NR2F1-AS1: variants seen among roughly 807,000 people sequenced by gnomAD.
NR2F1-AS1 encodes the protein NR2F1 antisense RNA 1.
At chr5:93,525,364 G>C (rs554810253) in intron 4 of NR2F1-AS1, among the ~76,000 whole-genome samples, 2 of 152,154 alleles carry the variant, frequency 1.3e-5, no homozygotes, top group African/African-American at 4.8e-5. Flanking sequence ...CATAAAGCAA[G>C]TTCTTAGAGA....
chr5:93,484,408 T>C (rs1750671294), intron 4 of NR2F1-AS1, among the ~76,000 whole-genome samples: 2 of 152,152 alleles, frequency 1.3e-5, no homozygotes, highest in African/African-American at 4.8e-5. Context: ...TGCTGAGAGA[T>C]TTTGTCACCA....
At chr5:93,510,865 ATTGT>A (rs1341888407) in intron 4 of NR2F1-AS1, among the ~76,000 whole-genome samples, 1 of 152,154 alleles carries the variant, frequency 6.6e-6, no homozygotes, top group African/African-American at 2.4e-5. Context: ...GAGAAGTTTG[ATTGT>A]TTATTATTGT....
chr5:93,466,532 T>G (rs1294693842), intron 4 of NR2F1-AS1, among the ~76,000 whole-genome samples: 1 of 151,866 alleles, frequency 6.6e-6, no homozygotes, highest in African/African-American at 2.4e-5. Context: ...GAGACAGGGT[T>G]TCACCATGTT....
intron 2 of NR2F1-AS1, among the ~76,000 whole-genome samples, chr5:93,560,506 C>T (rs931604792): frequency 6.6e-6 from 1 of 152,124 alleles, no homozygotes; most frequent in African/African-American, 2.4e-5. Flanking sequence ...TCTACAATAC[C>T]ACTCCTTTAT....
intron 2 of NR2F1-AS1, among the ~76,000 whole-genome samples, chr5:93,559,906 G>A (rs114670158): frequency 0.014 from 2,199 of 152,282 alleles, 61 homozygotes; most frequent in African/African-American, 0.05. Context: ...TACAAATTAT[G>A]ACACAGAGTC....
At chr5:93,569,178 C>G (rs1561509375) in intron 1 of NR2F1-AS1, among the ~76,000 whole-genome samples, 2 of 152,170 alleles carry the variant, frequency 1.3e-5, no homozygotes, top group Non-Finnish European at 2.9e-5. Flanking sequence ...GCGATTTCCT[C>G]TCTCTGGACC....
chr5:93,441,261 G>A (rs1259359297), intron 4 of NR2F1-AS1, among the ~76,000 whole-genome samples: 1 of 152,126 alleles, frequency 6.6e-6, no homozygotes, highest in East Asian at 1.9e-4. Flanking sequence ...CTTTATCTTT[G>A]CCCACTATCC....
chr5:93,483,325 A>C (rs986574309), intron 4 of NR2F1-AS1, among the ~76,000 whole-genome samples: 3 of 152,184 alleles, frequency 2.0e-5, no homozygotes, highest in African/African-American at 7.2e-5. Flanking sequence ...GCAGACCTCC[A>C]ACAAACTCCA....
Position 93,579,088 on chromosome 5 carries a change from C to T in NR2F1-AS1, n.313+1379G>A, listed in dbSNP as rs548192150. Reference sequence around the variant, plus strand: ...ACCGCGGTCGGGGAGCACAGGCTTCCGAAGAGAAACTGAGCTCTAAGTGCC... The same window carrying T: ...ACCGCGGTCGGGGAGCACAGGCTTCTGAAGAGAAACTGAGCTCTAAGTGCC... On this transcript the variant is annotated intron_variant and non_coding_transcript_variant, in intron 1 of 5. Coordinates refer to ENST00000660523, the Ensembl canonical transcript of NR2F1-AS1. The surrounding 1 kb of genome is among the most constrained non-coding windows in gnomAD (Gnocchi z 5.1). 1.3e-5 allele frequency among the ~76,000 whole-genome samples: 2 copies of T among 152,078 alleles called. No individual in the cohort carries two copies. The highest frequency in any genetic ancestry group is 2.9e-5 in the Non-Finnish European group (2 of 67,874).
At chr5:93,445,676 G>A (rs1303141589) in intron 4 of NR2F1-AS1, among the ~76,000 whole-genome samples, 1 of 152,140 alleles carries the variant, frequency 6.6e-6, no homozygotes, top group African/African-American at 2.4e-5. Context: ...TATAAAAAGA[G>A]GGAATCCTCC....
At chr5:93,498,298 A>C (rs1751007338) in intron 4 of NR2F1-AS1, among the ~76,000 whole-genome samples, 1 of 152,172 alleles carries the variant, frequency 6.6e-6, no homozygotes. Context: ...AGAAAGATTT[A>C]ATAGTCTTTC....
intron 1 of NR2F1-AS1, among the ~76,000 whole-genome samples, chr5:93,576,904 C>T (rs1003618398): frequency 1.3e-5 from 2 of 152,158 alleles, no homozygotes; most frequent in Non-Finnish European, 2.9e-5. Context: ...GAAAGAATAG[C>T]CATGCGGTTT....
intron 1 of NR2F1-AS1, among the ~76,000 whole-genome samples, chr5:93,567,320 G>T (rs1752641984): frequency 6.6e-6 from 1 of 152,038 alleles, no homozygotes; most frequent in Non-Finnish European, 1.5e-5. Flanking sequence ...CTATTAATAT[G>T]ATATGTAGTA....
intron 4 of NR2F1-AS1, among the ~76,000 whole-genome samples, chr5:93,544,405 T>C (rs1052830051): frequency 6.6e-6 from 1 of 152,182 alleles, no homozygotes; most frequent in African/African-American, 2.4e-5. Context: ...ATAGAATATA[T>C]AATTATATGG....
At chr5:93,582,974 A>G (rs1451786676), upstream of NR2F1-AS1, among the ~76,000 whole-genome samples, 3 of 151,984 alleles carry the variant, frequency 2.0e-5, no homozygotes, top group Admixed American at 2.0e-4. Context: ...AAAGCAAAAG[A>G]GGAGGGGGGA....
At chr5:93,487,296 A>G (rs1001541698) in intron 4 of NR2F1-AS1, among the ~76,000 whole-genome samples, 3 of 152,132 alleles carry the variant, frequency 2.0e-5, no homozygotes, top group African/African-American at 7.2e-5. Context: ...AGGAAGAGAG[A>G]AAATCAAATT....
At position 93,548,460 on chromosome 5, in the gene NR2F1-AS1, A is replaced by C. The variant is rs184150259; in HGVS notation, n.638+5301T>G. On this transcript the variant is annotated intron_variant and non_coding_transcript_variant, in intron 4 of 5. Transcript: ENST00000660523. ...ATGTCCAGCTATGTCAAAACGTAGA[A>C]AGTACAGAGTCAGACTGGAGAATGG... Among the ~76,000 whole-genome samples, 32 of 152,304 alleles carry C rather than the reference A, an allele frequency of 2.1e-4. No individual in the cohort carries two copies. The East Asian group carries it at 5.2e-3, about 25-fold the overall frequency.
chr5:93,494,502 T>C (rs1169942869), intron 4 of NR2F1-AS1, among the ~76,000 whole-genome samples: 1 of 152,034 alleles, frequency 6.6e-6, no homozygotes. Flanking sequence ...AATGGTGGTG[T>C]GTGCCTGTAA....
intron 4 of NR2F1-AS1, among the ~76,000 whole-genome samples, chr5:93,450,435 C>G (rs944283185): frequency 6.6e-6 from 1 of 152,108 alleles, no homozygotes; most frequent in Non-Finnish European, 1.5e-5. Context: ...ACTATAAAAA[C>G]CTGTGCCTCC....
Sources: allele counts gnomAD v4.1 joint callset (sites outside exome capture counted in the v4.1 genomes callset), GRCh38; gene constraint gnomAD v4.1.1; non-coding constraint Gnocchi (gnomAD v3.1); transcripts MANE v1.5; gene names NCBI Gene and HGNC (gene_info 2026-07-23, HGNC 2026-07-21).